Variants in NTNG1 observed in about 807,000 individuals in gnomAD.
NTNG1 encodes netrin-G1.
A neutral mutation model predicts 54.0 loss-of-function variants in NTNG1; 16 were observed. That is an observed-to-expected ratio of 0.30 (90% confidence interval 0.20 to 0.45). The LOEUF (loss-of-function observed/expected upper bound fraction) is 0.45. NTNG1 is among the 20% of genes least tolerant of loss of function. The probability of loss-of-function intolerance (pLI) is 1.00; values close to 1 mark genes in which losing one functional copy is unlikely to be tolerated. For synonymous variants in NTNG1, 255 were observed against 263.1 expected (o/e 0.97, Z 0.30); for missense variants, 530 against 678.7 (o/e 0.78, Z 2.43).
chr1:107,413,118 C>A (rs1165632215), intron 5 of NTNG1, among the ~76,000 whole-genome samples: 3 of 149,058 alleles, frequency 2.0e-5, no homozygotes, highest in East Asian at 2.0e-4. Context: ...GATTTCTTTT[C>A]TTTTCTTTTC....
chr1:107,359,264 A>G (rs1347899162), intron 3 of NTNG1, among the ~76,000 whole-genome samples: 1 of 152,226 alleles, frequency 6.6e-6, no homozygotes, highest in Non-Finnish European at 1.5e-5. Context: ...GTTGATAAAT[A>G]TAAACTACAG....
intron 3 of NTNG1, among the ~76,000 whole-genome samples, chr1:107,326,230 G>T (rs1369881813): frequency 6.6e-6 from 1 of 152,034 alleles, no homozygotes; most frequent in African/African-American, 2.4e-5. Context: ...CCTCATGGAA[G>T]AATCAAAAGC....
chr1:107,337,819 G>A (rs1001974933), intron 3 of NTNG1, among the ~76,000 whole-genome samples: 13 of 151,876 alleles, frequency 8.6e-5, no homozygotes, highest in African/African-American at 2.9e-4. Context: ...AAGTTTGTAC[G>A]GGGCTTCACA....
At chr1:107,195,985 T>C (rs747570932) in intron 2 of NTNG1, among the ~76,000 whole-genome samples, 1 of 145,486 alleles carries the variant, frequency 6.9e-6, no homozygotes, top group Non-Finnish European at 1.5e-5. Flanking sequence ...TGATCTCCCC[T>C]CCTAGAATGT....
At chr1:107,403,089 T>C (rs1220178855) in intron 4 of NTNG1, among the ~76,000 whole-genome samples, 1 of 152,162 alleles carries the variant, frequency 6.6e-6, no homozygotes, top group African/African-American at 2.4e-5. Flanking sequence ...CCTTAAGTTA[T>C]TTACTTGGTT....
intron 2 of NTNG1, among the ~76,000 whole-genome samples, chr1:107,247,959 T>C (rs1662310252): frequency 6.6e-6 from 1 of 152,172 alleles, no homozygotes; most frequent in Non-Finnish European, 1.5e-5. Context: ...CCAACTACAG[T>C]TGTTCCTTCA....
chr1:107,413,047 A>T (rs892308799), intron 5 of NTNG1, among the ~76,000 whole-genome samples: 17 of 152,286 alleles, frequency 1.1e-4, no homozygotes, highest in African/African-American at 4.1e-4. Flanking sequence ...TGCTGCGAAG[A>T]TGGTAAGATT....
chr1:107,435,780 T>C (rs1315177680), intron 6 of NTNG1, among the ~76,000 whole-genome samples: 2 of 152,086 alleles, frequency 1.3e-5, no homozygotes, highest in Admixed American at 1.3e-4. Context: ...AGAAGAGTAA[T>C]GAGGAAAGAA....
At chr1:107,427,036 C>G (rs952096809) in intron 5 of NTNG1, among the ~76,000 whole-genome samples, 1 of 152,006 alleles carries the variant, frequency 6.6e-6, no homozygotes, top group Non-Finnish European at 1.5e-5. Flanking sequence ...GATTTTGTAT[C>G]CTGAGACTTT....
At chr1:107,465,338 C>T (rs1176173027) in intron 7 of NTNG1, among the ~76,000 whole-genome samples, 3 of 152,170 alleles carry the variant, frequency 2.0e-5, no homozygotes, top group African/African-American at 7.2e-5. Flanking sequence ...TGCTTATAGA[C>T]GGACTGCTCT....
At chr1:107,315,188 G>T (rs553650998) in intron 2 of NTNG1, among the ~76,000 whole-genome samples, 2 of 152,136 alleles carry the variant, frequency 1.3e-5, no homozygotes, top group African/African-American at 4.8e-5. Context: ...TATTAAGGAG[G>T]TATATAAAGC....
intron 7 of NTNG1, among the ~76,000 whole-genome samples, chr1:107,456,432 ATTT>A (rs1279891238): frequency 6.6e-6 from 1 of 152,082 alleles, no homozygotes; most frequent in African/African-American, 2.4e-5. Context: ...ATGCTATCTG[ATTT>A]TGGAGTCTCT....
chr1:107,350,370 A>G (rs1309240735), intron 3 of NTNG1, among the ~76,000 whole-genome samples: 3 of 152,222 alleles, frequency 2.0e-5, no homozygotes, highest in Admixed American at 2.0e-4. Context: ...ATAGATGTTC[A>G]TAATTTGTAA....
chr1:107,417,698 C>A (rs190487272), intron 5 of NTNG1, among the ~76,000 whole-genome samples: 16 of 152,164 alleles, frequency 1.1e-4, no homozygotes, highest in Admixed American at 3.9e-4. Flanking sequence ...AAGGACAACA[C>A]AAGAGATGTG....
At chr1:107,468,836 G>A (rs372026879) in intron 7 of NTNG1, among the ~76,000 whole-genome samples, 3 of 128,650 alleles carry the variant, frequency 2.3e-5, no homozygotes, top group South Asian at 2.7e-4. Context: ...GGTGGCTCAC[G>A]CCTGTAATCC....
chr1:107,436,650 G>A lies in NTNG1; in HGVS notation c.1256-15G>A, dbSNP rs765646538. The A allele has an allele frequency of 6.2e-7, 1 of 1,610,970 alleles. No individual in the cohort carries two copies. Among genetic ancestry groups the A allele is most frequent in the African/African-American group, 1.3e-5 (1 of 74,874 alleles). On this transcript the variant is annotated splice_polypyrimidine_tract_variant and intron_variant, in intron 6 of 7. Transcript: ENST00000370068. ...CAGACTTGTCTCCAGCCTGTGTGTT[G>A]TCTTGTTTCTACAGAGTGTTATTGT... is the stretch of plus-strand genomic sequence containing the variant.
intron 2 of NTNG1, among the ~76,000 whole-genome samples, chr1:107,242,815 A>T (rs1245466807): frequency 2.0e-5 from 3 of 152,218 alleles, no homozygotes; most frequent in African/African-American, 7.2e-5. Flanking sequence ...GTGCTTTGAA[A>T]TACCTTTGTT....
chr1:107,293,666 G>A (rs1056838599), intron 2 of NTNG1, among the ~76,000 whole-genome samples: 1 of 152,084 alleles, frequency 6.6e-6, no homozygotes. Context: ...TAAAGTGGGG[G>A]TATAATTGTT....
At position 107,287,776 on chromosome 1, in the gene NTNG1, G is replaced by T. The variant is rs1665292888; in HGVS notation, c.247-36506G>T. Among the ~76,000 whole-genome samples the T allele has an allele frequency of 2.0e-5, 3 of 152,112 alleles. No individual in the cohort carries two copies. In the South Asian group the frequency reaches 6.2e-4, roughly 31 times the overall value. On this transcript the variant is annotated intron_variant, in intron 2 of 7. Transcript: ENST00000370068. ...AACACTTTATTTGAATTCCAACTTT[G>T]CCATTAGTTGAGCTCTATGACCTGT...
Sources: gnomAD v4.1 joint callset for allele counts (sites outside exome capture counted in the v4.1 genomes callset) on GRCh38, gnomAD v4.1.1 for gene constraint, MANE v1.5 for transcripts, NCBI Gene and HGNC (gene_info 2026-07-23, HGNC 2026-07-21) for gene names.